The following NRIP1 variants were observed in gnomAD, a reference collection of about 807,000 sequenced individuals.
The protein encoded by NRIP1 is nuclear receptor-interacting protein 1.
In NRIP1, 28 loss-of-function variants were observed where a neutral mutation model predicts 75.0. The observed-to-expected ratio is 0.37, with a 90% CI of 0.28 to 0.51. The LOEUF is 0.51. Ranked by LOEUF, NRIP1 falls within the 20% of genes least tolerant of loss-of-function variation. NRIP1 has a pLI of 0.92. For missense variants in NRIP1, 1,435 were observed against 1,343.7 expected (o/e 1.07, Z -1.06); for synonymous variants, 526 against 487.6 (o/e 1.08, Z -1.04).
At position 14,970,246 on chromosome 21, in the gene NRIP1, T is replaced by C. The variant is rs139883810; in HGVS notation, c.-334-1720A>G. ...TTGAGGAAACCCAGTTTTCTAATTC[T>C]CTCAAAAAACTTAATATGGCCAGGT... On this transcript the variant is annotated intron_variant, in intron 3 of 3. Transcript: ENST00000318948. Among the ~76,000 whole-genome samples, 218 of 152,230 alleles carry C rather than the reference T, an allele frequency of 1.4e-3. 1 individual carries two copies. Among genetic ancestry groups the C allele is most frequent in the African/African-American group, 4.6e-3 (193 of 41,560 alleles).
intron 1 of NRIP1, among the ~76,000 whole-genome samples, chr21:15,064,535 C>T (rs1978679191): frequency 6.6e-6 from 1 of 151,944 alleles, no homozygotes; most frequent in Non-Finnish European, 1.5e-5. Flanking sequence ...CACAACTTGC[C>T]GGCCCGCCGC....
chr21:15,004,065 AC>A (rs2147128356), intron 3 of NRIP1, among the ~76,000 whole-genome samples: 1 of 152,316 alleles, frequency 6.6e-6, no homozygotes, highest in South Asian at 2.1e-4. Flanking sequence ...ATCTTAATAT[AC>A]ACACCTTTTC....
chr21:14,992,625 C>A (rs929915400), intron 3 of NRIP1: 3 of 151,916 alleles, frequency 2.0e-5, no homozygotes, highest in Non-Finnish European at 2.9e-5. Context: ...GCTCACTGCC[C>A]CCCAGAAATA....
In NRIP1 at chr21:14,967,733, T is replaced by C; in HGVS notation, c.460A>G (p.Arg154Gly). The change falls in exon 4 of 4, where the codon AGG becomes GGG. Residue 154 changes from arginine (R) to glycine (G), a missense_variant. By Grantham distance (125) the Arg-to-Gly change is moderately radical. Transcript: ENST00000318948. The part of the protein sequence containing the change: ...LQTVALSQQI[R>G]QSLKEQGYAL... ...TATCCTTGCTCCTTGAGGCTCTGCC[T>C]GATTTGTTGTGACAGAGCAACAGTC... 1 of 1,614,184 alleles carries C rather than the reference T, an allele frequency of 6.2e-7. No homozygotes were observed. The highest frequency in any genetic ancestry group is 8.5e-7 in the Non-Finnish European group (1 of 1,180,026).
At chr21:14,980,866 C>T (rs2087215288) in intron 3 of NRIP1, among the ~76,000 whole-genome samples, 1 of 152,020 alleles carries the variant, frequency 6.6e-6, no homozygotes, top group African/African-American at 2.4e-5. Context: ...AGAAAGATTG[C>T]TAGTTTTTCA....
rs757062443 is a variant in NRIP1 at position 14,964,862 on chromosome 21, T to C, written c.3331A>G (p.Thr1111Ala). 5.0e-6 allele frequency: 8 copies of C among 1,613,328 alleles called. No individual in the cohort carries two copies. Among genetic ancestry groups the C allele is most frequent in the Non-Finnish European group, 5.9e-6 (7 of 1,179,714 alleles). ...AAGAAAGAAGCTTTCGTTTCTGCAG[T>C]AGGAAGTAACTCTTCTTTGGCTGTG... ...QVTAKEELLP[T>A]AETKASFFNL... The change falls in exon 4 of 4, where the codon ACT becomes GCT. Residue 1111 changes from threonine (T) to alanine (A), a missense_variant. Thr to Ala is a moderately conservative substitution (Grantham distance 58). Coordinates refer to ENST00000318948, the MANE Select transcript of NRIP1 (RefSeq NM_003489.4).
intron 1 of NRIP1, chr21:15,050,528 T>C: frequency 2.9e-6 from 1 of 342,946 alleles, no homozygotes; most frequent in South Asian, 2.2e-5. Flanking sequence ...TTAAATGAGC[T>C]ACAATCCAGA....
intron 3 of NRIP1, among the ~76,000 whole-genome samples, chr21:14,997,723 A>G (rs1282906816): frequency 5.4e-5 from 8 of 148,758 alleles, no homozygotes. Flanking sequence ...ATTTATATAT[A>G]TACACATAAA....
intron 3 of NRIP1, among the ~76,000 whole-genome samples, chr21:15,008,417 T>C (rs9985093): frequency 0.016 from 2,495 of 151,868 alleles, 74 homozygotes; most frequent in African/African-American, 0.056. Flanking sequence ...TATTAGAAGG[T>C]ACACAAATCA....
chr21:15,016,956 CAAGA>C (rs574025182), intron 2 of NRIP1, among the ~76,000 whole-genome samples: 138 of 131,356 alleles, frequency 1.1e-3, no homozygotes, highest in African/African-American at 5.9e-4. Context: ...AGAAGAAAGA[CAAGA>C]AAGAAAGAAA....
intron 1 of NRIP1, among the ~76,000 whole-genome samples, chr21:15,061,042 C>A (rs999602263): frequency 3.9e-5 from 6 of 152,116 alleles, no homozygotes; most frequent in African/African-American, 1.4e-4. Flanking sequence ...CCCCCTCCCC[C>A]AAAAGTCCCT....
At chr21:14,969,355 G>A (rs996103886) in intron 3 of NRIP1, among the ~76,000 whole-genome samples, 1 of 152,176 alleles carries the variant, frequency 6.6e-6, no homozygotes, top group Non-Finnish European at 1.5e-5. Flanking sequence ...ACAGAAGACA[G>A]GGAGGGCATA....
chr21:15,022,533 A>G (rs1234378089), intron 2 of NRIP1, among the ~76,000 whole-genome samples: 1 of 152,240 alleles, frequency 6.6e-6, no homozygotes, highest in Admixed American at 6.5e-5. Context: ...CATGTACCCC[A>G]GAACTTAAAA....
At chr21:15,003,942 A>G (rs1462276091) in intron 3 of NRIP1, among the ~76,000 whole-genome samples, 1 of 152,222 alleles carries the variant, frequency 6.6e-6, no homozygotes, top group Non-Finnish European at 1.5e-5. Flanking sequence ...GACTCCAGGC[A>G]AGGGCAGGAT....
In NRIP1 at chr21:14,971,040, G is replaced by T. The variant is rs3787575; in HGVS notation, c.-334-2514C>A. Among the ~76,000 whole-genome samples, 2,204 of 152,196 alleles carry T rather than the reference G, an allele frequency of 0.014. 215 individuals carry two copies. In the East Asian group the frequency reaches 0.27, roughly 18 times the overall value. On this transcript the variant is annotated intron_variant, in intron 3 of 3. Transcript: ENST00000318948. ...AGAGAAAGTAGATGACAGATATTAA[G>T]AATAATCATCTCTTAATAATCCATT...
chr21:15,010,148 T>C (rs924465258), intron 3 of NRIP1, among the ~76,000 whole-genome samples: 1 of 152,182 alleles, frequency 6.6e-6, no homozygotes, highest in African/African-American at 2.4e-5. Context: ...ATTCTAGTTA[T>C]CTAAATAAAA....
At chr21:15,030,671 C>T (rs1373489608) in intron 2 of NRIP1, among the ~76,000 whole-genome samples, 4 of 152,142 alleles carry the variant, frequency 2.6e-5, no homozygotes, top group African/African-American at 9.7e-5. Context: ...CAATGTTCTA[C>T]AGAATAAGTG....
intron 2 of NRIP1, among the ~76,000 whole-genome samples, chr21:15,033,223 T>TC (rs2088751495): frequency 1.5e-5 from 1 of 66,808 alleles, no homozygotes; most frequent in African/African-American, 7.3e-5. Flanking sequence ...AGACTCTGTC[T>TC]CAAAAAAAAA....
At chr21:14,974,806 G>C (rs2087005333) in intron 3 of NRIP1, among the ~76,000 whole-genome samples, 1 of 152,128 alleles carries the variant, frequency 6.6e-6, no homozygotes, top group Admixed American at 6.6e-5. Context: ...ATTGCTCCCT[G>C]TGTTTGAGAA....
Sources: gnomAD v4.1 joint callset for allele counts (sites outside exome capture counted in the v4.1 genomes callset) on GRCh38, gnomAD v4.1.1 for gene constraint, MANE v1.5 for transcripts, NCBI Gene and HGNC (gene_info 2026-07-23, HGNC 2026-07-21) for gene names.